The following TREH variants were observed in gnomAD, a reference collection of about 807,000 sequenced individuals.
The protein encoded by TREH is alpha,alpha-trehalose glucohydrolase.
TREH carries 69 observed loss-of-function variants against 80.5 expected under a neutral mutation model. The observed-to-expected ratio is 0.86, with a 90% confidence interval of 0.71 to 1.05. TREH has a LOEUF of 1.05. Ranked by LOEUF, TREH falls within the 50% of genes least tolerant of loss-of-function variation. TREH has a pLI of 0.00. For missense variants in TREH, 716 were observed against 718.8 expected, an observed-to-expected ratio of 1.00 and a Z score of 0.04; for synonymous variants, 309 against 293.5, an observed-to-expected ratio of 1.05 and a Z score of -0.54.
At chr11:118,666,230 C>T (rs1458832589) in intron 1 of TREH, among the ~76,000 whole-genome samples, 6 of 150,008 alleles carry the variant, frequency 4.0e-5, no homozygotes, top group Non-Finnish European at 7.4e-5. Flanking sequence ...AAAACTCCAT[C>T]TCAAAAAAAA....
intron 1 of TREH, among the ~76,000 whole-genome samples, chr11:118,672,137 C>T (rs1463588718): frequency 2.0e-5 from 3 of 152,138 alleles, no homozygotes; most frequent in Admixed American, 6.5e-5. Flanking sequence ...TGGTGGCTCA[C>T]GCCTGTAATC....
At chr11:118,672,770 TAGTA>T (rs1318423697) in intron 1 of TREH, among the ~76,000 whole-genome samples, 5 of 131,586 alleles carry the variant, frequency 3.8e-5, no homozygotes, top group Non-Finnish European at 8.3e-5. Flanking sequence ...TCACTGGTAA[TAGTA>T]AGCACACAGA....
rs150203510 is a variant in TREH, at chr11:118,674,523, C to T, written c.89+5016G>A. On this transcript the variant is annotated intron_variant, in intron 1 of 14. Coordinates refer to ENST00000264029, the MANE Select transcript of TREH (RefSeq NM_007180.3). This position sits in a 1 kb window ranked among gnomAD's most constrained non-coding sequence, Gnocchi z 4.4. ...CCACTCCACATAAAACCTGTTCAAG[C>T]GCATACCACTTTTTTGTTTTGTTTT... Among the ~76,000 whole-genome samples the T allele has an allele frequency of 4.1e-3, 624 of 152,194 alleles. 2 individuals are homozygous for T. The highest frequency in any genetic ancestry group is 0.017 in the Middle Eastern group (5 of 294).
intron 1 of TREH, among the ~76,000 whole-genome samples, chr11:118,665,505 T>G (rs1374928657): frequency 6.6e-6 from 1 of 152,036 alleles, no homozygotes; most frequent in Non-Finnish European, 1.5e-5. Flanking sequence ...CCAGGCATGG[T>G]GGCGGGTGCC....
chr11:118,662,795 G>T, intron 4 of TREH, 86 bp downstream of exon 4: 2 of 1,458,636 alleles, frequency 1.4e-6, no homozygotes, highest in Non-Finnish European at 1.9e-6. Flanking sequence ...AACCTGATCT[G>T]TGCTCCGAAG....
At position 118,660,974 on chromosome 11, in the gene TREH, CAAG is replaced by C. The variant is rs1187611586; in HGVS notation, c.858-62_858-60del. 3.9e-6 allele frequency: 6 copies of C among 1,550,544 alleles called. No individual in the cohort carries two copies. The African/African-American group carries it at 6.8e-5, about 18-fold the overall frequency. Reference sequence around the variant, plus strand: ...AGTAGCTACTAAGCCCCTCTGTGGTCAAGAAGAGGCTGAGCCATCTTGATCCAG... The same window carrying C: ...AGTAGCTACTAAGCCCCTCTGTGGTCAAGAGGCTGAGCCATCTTGATCCAG... On this transcript the variant is annotated intron_variant, in intron 8 of 14. Coordinates refer to ENST00000264029, the MANE Select transcript of TREH (RefSeq NM_007180.3).
At chr11:118,669,511 C>A (rs1388706806) in intron 1 of TREH, among the ~76,000 whole-genome samples, 1 of 152,194 alleles carries the variant, frequency 6.6e-6, no homozygotes, top group East Asian at 1.9e-4. Flanking sequence ...TACTATTCAG[C>A]CATAAAAAGG....
At chr11:118,667,241 C>T (rs143059925) in intron 1 of TREH, among the ~76,000 whole-genome samples, 2 of 152,020 alleles carry the variant, frequency 1.3e-5, no homozygotes, top group Admixed American at 1.3e-4. Flanking sequence ...TGCAGTGATG[C>T]AATCACAGCT....
At chr11:118,660,966 T>C (rs1949314886) in intron 8 of TREH, 51 bp from the exon 9 acceptor site, 1 of 1,554,496 alleles carries the variant, frequency 6.4e-7, no homozygotes, top group Admixed American at 1.9e-5. Context: ...ACTAAGCCCC[T>C]CTGTGGTCAA....
chr11:118,659,679 G>T, intron 11 of TREH, 68 bp downstream of exon 11: 2 of 1,525,212 alleles, frequency 1.3e-6, no homozygotes, highest in Non-Finnish European at 1.8e-6. Flanking sequence ...TCCCCTGCAG[G>T]TCCTGTTCAG....
intron 1 of TREH, among the ~76,000 whole-genome samples, chr11:118,666,991 T>TC (rs1949383861): frequency 2.0e-5 from 3 of 152,272 alleles, no homozygotes; most frequent in Admixed American, 2.0e-4. Flanking sequence ...CAAGCAATTC[T>TC]CCTGCCTCAG....
At chr11:118,668,855 G>A (rs1949404944) in intron 1 of TREH, among the ~76,000 whole-genome samples, 1 of 152,070 alleles carries the variant, frequency 6.6e-6, no homozygotes, top group Non-Finnish European at 1.5e-5. Flanking sequence ...CAGGAGAATT[G>A]CATGAACCTG....
At chr11:118,672,769 A>G (rs1218946981) in intron 1 of TREH, among the ~76,000 whole-genome samples, 1 of 151,990 alleles carries the variant, frequency 6.6e-6, no homozygotes, top group African/African-American at 2.4e-5. Flanking sequence ...CTCACTGGTA[A>G]TAGTAAGCAC....
In TREH at chr11:118,658,994, G is replaced by A. The variant is rs2276064; in HGVS notation, c.1456C>T (p.Arg486Trp). The A allele has an allele frequency of 0.037, 59,347 of 1,613,748 alleles. 7,497 individuals are homozygous for A. The East Asian group carries it at 0.46, about 13-fold the overall frequency. The change falls in exon 13 of 15, where the codon CGG becomes TGG. Residue 486 changes from arginine to tryptophan, a missense_variant. Transcript: ENST00000264029. ...AGCTGGAAAGCCACTTCCTGGGCCC[G>A]ACGTAAAGGTGCCTTGGCCAGGCCT... ...IRGLAKAPLR[R>W]AQEVAFQLAQ...
chr11:118,658,317 C>T lies in TREH; in HGVS notation c.1724G>A (p.Ser575Asn), dbSNP rs549631688. The T allele has an allele frequency of 2.5e-6, 4 of 1,589,930 alleles. No individual in the cohort carries two copies. The East Asian group carries it at 6.9e-5, about 27-fold the overall frequency. The change falls in exon 15 of 15, where the codon AGC becomes AAC. Residue 575 changes from serine (S) to asparagine (N), a missense_variant. Coordinates refer to ENST00000264029, the MANE Select transcript of TREH (RefSeq NM_007180.3). ...CCATGGCAGGAGGCTGAGCAGGAGG[C>T]TGGGCAGAAGGGTGGCCGCCAGGCA... ...PHCLAATLLP[S>N]LLLSLLPW
intron 1 of TREH, among the ~76,000 whole-genome samples, chr11:118,664,240 G>A (rs1231851585): frequency 6.6e-6 from 1 of 152,220 alleles, no homozygotes; most frequent in African/African-American, 2.4e-5. Context: ...TGGTTTATGG[G>A]TAGAAAGACC....
intron 1 of TREH, 63 bp downstream of exon 1, chr11:118,679,476 G>C (rs1949512710): frequency 7.1e-7 from 1 of 1,418,180 alleles, no homozygotes; most frequent in Non-Finnish European, 9.3e-7. Flanking sequence ...CCCAGAGCTT[G>C]AGATCTCATC....
intron 1 of TREH, among the ~76,000 whole-genome samples, chr11:118,676,785 GA>G (rs1555146912): frequency 1.4e-5 from 2 of 145,226 alleles, no homozygotes; most frequent in Non-Finnish European, 3.0e-5. Flanking sequence ...AAAAAAGAAA[GA>G]AAAAAACAAC....
chr11:118,673,041 C>T (rs1949444949), intron 1 of TREH, among the ~76,000 whole-genome samples: 1 of 152,162 alleles, frequency 6.6e-6, no homozygotes, highest in Non-Finnish European at 1.5e-5. Flanking sequence ...ACCCTTGAGC[C>T]CCCTTGCGTT....
Sources: allele counts gnomAD v4.1 joint callset (sites outside exome capture counted in the v4.1 genomes callset), GRCh38; gene constraint gnomAD v4.1.1; non-coding constraint Gnocchi (gnomAD v3.1); transcripts MANE v1.5; gene names NCBI Gene and HGNC (gene_info 2026-07-23, HGNC 2026-07-21).